Variants in FBXL20 observed in about 807,000 individuals in gnomAD.
FBXL20 encodes the protein F-box and leucine rich repeat protein 20, also known as F-box/LRR-repeat protein 20.
FBXL20 carries 11 observed loss-of-function variants against 64.0 expected under a neutral mutation model. The ratio of observed to expected loss-of-function variants is 0.17; its 90% confidence interval spans 0.11 to 0.28. The LOEUF (loss-of-function observed/expected upper bound fraction) is 0.28, where lower values mean the gene tolerates loss of function less well. Ranked by LOEUF, FBXL20 falls within the 10% of genes least tolerant of loss-of-function variation. The pLI, the probability that FBXL20 is intolerant of heterozygous loss-of-function variation, is 1.00. For missense variants in FBXL20, 303 were observed against 526.2 expected, an observed-to-expected ratio of 0.58 and a Z score of 4.15; for synonymous variants, 184 against 189.0, an observed-to-expected ratio of 0.97 and a Z score of 0.22.
At chr17:39,271,196 G>C (rs911232805) in intron 10 of FBXL20, among the ~76,000 whole-genome samples, 10 of 152,178 alleles carry the variant, frequency 6.6e-5, no homozygotes, top group Admixed American at 1.3e-4. Flanking sequence ...CCTGCTCCTA[G>C]AAAACAAAGG....
chr17:39,311,826 G>C (rs537636879), intron 2 of FBXL20, among the ~76,000 whole-genome samples: 11 of 152,204 alleles, frequency 7.2e-5, no homozygotes, highest in African/African-American at 2.6e-4. Flanking sequence ...CAGGTGAGAG[G>C]CTTTACAAGC....
chr17:39,355,679 A>AC (rs531434904), intron 1 of FBXL20, among the ~76,000 whole-genome samples: 1,597 of 151,390 alleles, frequency 0.011, 28 homozygotes, highest in African/African-American at 0.037. Flanking sequence ...ACATGGTGAA[A>AC]CCCCGTCTCT....
intron 12 of FBXL20, among the ~76,000 whole-genome samples, chr17:39,265,686 A>AT (rs111908860): frequency 0.027 from 3,991 of 145,228 alleles, 108 homozygotes; most frequent in Middle Eastern, 0.064. Context: ...AAATTAAAAA[A>AT]ATTTTTTTTT....
intron 4 of FBXL20, 44 bp from the exon 5 acceptor site, chr17:39,299,128 A>G (rs761514506): frequency 1.9e-5 from 25 of 1,348,030 alleles, no homozygotes; most frequent in Admixed American, 2.0e-5. Context: ...CCACCTCATT[A>G]CTTTAGAAAA....
chr17:39,394,435 G>A (rs573961625), intron 1 of FBXL20, among the ~76,000 whole-genome samples: 17 of 151,688 alleles, frequency 1.1e-4, no homozygotes, highest in Admixed American at 7.2e-4. Flanking sequence ...ACCACGCCAG[G>A]CTAATTTTTT....
intron 1 of FBXL20, among the ~76,000 whole-genome samples, chr17:39,384,395 C>T (rs1054050885): frequency 2.6e-5 from 4 of 150,988 alleles, no homozygotes; most frequent in Admixed American, 6.6e-5. Flanking sequence ...AGTGGTGGTG[C>T]GCGCCTGTAG....
At chr17:39,299,438 G>A (rs2047115147) in intron 4 of FBXL20, among the ~76,000 whole-genome samples, 1 of 152,124 alleles carries the variant, frequency 6.6e-6, no homozygotes, top group Non-Finnish European at 1.5e-5. Flanking sequence ...TTTCCAAAAT[G>A]TTTATTATAG....
At chr17:39,323,724 T>C (rs759602349) in intron 2 of FBXL20, among the ~76,000 whole-genome samples, 6 of 152,040 alleles carry the variant, frequency 3.9e-5, no homozygotes, top group Non-Finnish European at 8.8e-5. Flanking sequence ...TAAGAATCTC[T>C]TCTCCTGGCT....
chr17:39,291,686 C>T (rs1442944037), intron 6 of FBXL20, among the ~76,000 whole-genome samples: 1 of 152,038 alleles, frequency 6.6e-6, no homozygotes, highest in Non-Finnish European at 1.5e-5. Flanking sequence ...CCACCTGCGT[C>T]GGCCTCCCAA....
At chr17:39,292,948 A>G (rs1384489183) in intron 6 of FBXL20, among the ~76,000 whole-genome samples, 4 of 152,058 alleles carry the variant, frequency 2.6e-5, no homozygotes, top group Non-Finnish European at 2.9e-5. Context: ...ACCCGCCATC[A>G]TGCCCGGCTA....
At chr17:39,306,189 C>T (rs1466438754) in intron 2 of FBXL20, among the ~76,000 whole-genome samples, 2 of 147,924 alleles carry the variant, frequency 1.4e-5, no homozygotes, top group East Asian at 2.0e-4. Context: ...TTTGCTCTGT[C>T]GCCCAGGCTG....
At chr17:39,293,563 A>T (rs1220876661) in intron 6 of FBXL20, among the ~76,000 whole-genome samples, 1 of 152,176 alleles carries the variant, frequency 6.6e-6, no homozygotes, top group Non-Finnish European at 1.5e-5. Flanking sequence ...AAAATATTTA[A>T]TAGAGCAGGT....
chr17:39,278,416 G>A (rs2046918751), intron 9 of FBXL20, among the ~76,000 whole-genome samples: 1 of 152,082 alleles, frequency 6.6e-6, no homozygotes, highest in East Asian at 1.9e-4. Context: ...AAAGTGCTGG[G>A]ATTATAGGCA....
intron 1 of FBXL20, among the ~76,000 whole-genome samples, chr17:39,400,346 C>T (rs752105170): frequency 2.0e-5 from 3 of 152,148 alleles, no homozygotes; most frequent in Admixed American, 6.6e-5. Context: ...ACCTAGTTGT[C>T]GAGTTTCTTA....
chr17:39,296,018 T>C (rs1380065569), intron 6 of FBXL20, among the ~76,000 whole-genome samples: 1 of 152,098 alleles, frequency 6.6e-6, no homozygotes, highest in Non-Finnish European at 1.5e-5. Context: ...ATACATATTA[T>C]GTTTTCACCA....
intron 1 of FBXL20, among the ~76,000 whole-genome samples, chr17:39,383,590 C>CTTT (rs545087479): frequency 2.3e-5 from 3 of 128,546 alleles, no homozygotes; most frequent in African/African-American, 6.2e-5. Flanking sequence ...ACTTTATATG[C>CTTT]TTTTTTTTTT....
intron 3 of FBXL20, among the ~76,000 whole-genome samples, chr17:39,301,632 G>A (rs2144449718): frequency 6.6e-6 from 1 of 152,252 alleles, no homozygotes; most frequent in South Asian, 2.1e-4. Flanking sequence ...GGAAGCTAAG[G>A]CAGGACAATC....
At chr17:39,368,065 A>G (rs2047878532) in intron 1 of FBXL20, among the ~76,000 whole-genome samples, 1 of 152,186 alleles carries the variant, frequency 6.6e-6, no homozygotes, top group African/African-American at 2.4e-5. Context: ...GGTGTGAGTC[A>G]CCACACCCCG....
chr17:39,388,173 T>C (rs183037307), intron 1 of FBXL20, among the ~76,000 whole-genome samples: 1 of 152,102 alleles, frequency 6.6e-6, no homozygotes, highest in Non-Finnish European at 1.5e-5. Context: ...AAAACTTATT[T>C]TGACCAGGCA....
Sources: allele counts gnomAD v4.1 joint callset (sites outside exome capture counted in the v4.1 genomes callset), GRCh38; gene constraint gnomAD v4.1.1; transcripts MANE v1.5; gene names NCBI Gene and HGNC (gene_info 2026-07-23, HGNC 2026-07-21).